PCOLCE: variants seen among roughly 807,000 people sequenced by gnomAD.
PCOLCE encodes procollagen C-endopeptidase enhancer 1.
Under a neutral mutation model 47.2 loss-of-function variants are expected in PCOLCE, and 33 were observed. The ratio of observed to expected loss-of-function variants is 0.70; its 90% CI spans 0.53 to 0.93. PCOLCE has a LOEUF of 0.93. Ranked by LOEUF, PCOLCE falls within the 40% of genes least tolerant of loss-of-function variation. The pLI is 0.00. For missense variants in PCOLCE, 584 were observed against 585.3 expected (o/e 1.00, Z 0.02); for synonymous variants, 254 against 252.5 (o/e 1.01, Z -0.06).
At position 100,607,648 on chromosome 7, in the gene PCOLCE, A is replaced by C. The variant is rs1385288833; in HGVS notation, c.1024A>C (p.Thr342Pro). 1 of 1,614,018 alleles carries C rather than the reference A, an allele frequency of 6.2e-7. No homozygotes were observed. The highest frequency in any genetic ancestry group is 8.5e-7 in the Non-Finnish European group (1 of 1,179,964). Reference sequence around the variant, plus strand: ...CCATTCTCCCACAGTGGTGACTGCGACAGTGAAGTCCATGGTTCGGGAGCC... The same window carrying C: ...CCATTCTCCCACAGTGGTGACTGCGCCAGTGAAGTCCATGGTTCGGGAGCC... The part of the protein sequence containing the change: ...FCASSLVVTA[T>P]VKSMVREPGE... The change falls in exon 8 of 9, where the codon ACA becomes CCA. Residue 342 changes from threonine to proline, a missense_variant. Coordinates refer to ENST00000223061, the MANE Select transcript of PCOLCE (RefSeq NM_002593.4).
Position 100,608,039 on chromosome 7 carries a change from T to C in PCOLCE, c.1286T>C (p.Leu429Pro), listed in dbSNP as rs1802747963. 1 of 1,614,100 alleles carries C rather than the reference T, an allele frequency of 6.2e-7. No homozygotes were observed. Among genetic ancestry groups the C allele is most frequent in the East Asian group, 2.2e-5 (1 of 44,878 alleles). Residue 429 changes from leucine (L) to proline (P), a missense_variant, in exon 9 of 9, where the codon CTC becomes CCC. By Grantham distance (98) the Leu-to-Pro change is moderately conservative. Coordinates refer to ENST00000223061, the MANE Select transcript of PCOLCE (RefSeq NM_002593.4). ...CACCGGCCCAACCAGGACCAGATCCTCACCAACCTAAGCAAGAGGAAGTGC... is the reference window on the plus strand; with the variant it reads ...CACCGGCCCAACCAGGACCAGATCCCCACCAACCTAAGCAAGAGGAAGTGC... ...VLHRPNQDQILTNLSKRKCPS... is the reference protein window; with the variant it reads ...VLHRPNQDQIPTNLSKRKCPS...
At position 100,605,667 on chromosome 7, in the gene PCOLCE, C is replaced by T. The variant is rs1422056932; in HGVS notation, c.589-9C>T. ...CCGCCGCGCAGTCCCCGCCTCCGCC[C>T]GCCGCCAGGTCATCGCGCTGACCTT... On this transcript the variant is annotated splice_polypyrimidine_tract_variant and intron_variant, in intron 4 of 8. Coordinates refer to ENST00000223061, the MANE Select transcript of PCOLCE (RefSeq NM_002593.4). This position sits in a 1 kb window ranked among gnomAD's most constrained non-coding sequence, Gnocchi z 6.1. 7.0e-6 allele frequency: 11 copies of T among 1,575,990 alleles called. No homozygotes were observed. The highest frequency in any genetic ancestry group is 1.4e-5 in the African/African-American group (1 of 74,024).
In PCOLCE at chr7:100,604,012, G is replaced by T. The variant is rs745890958; in HGVS notation, c.258G>T (p.Leu86=). Residue 86 remains leucine (L), a synonymous_variant, in exon 3 of 9, where the codon CTG becomes CTT. Transcript: ENST00000223061. The surrounding 1 kb of genome is among the most constrained non-coding windows in gnomAD (Gnocchi z 6.4). Reference sequence around the variant, plus strand: ...CATTCCGAGTCTTCGACCTGGAGCTGCACCCCGCCTGCCGCTACGATGCTC... The same window carrying T: ...CATTCCGAGTCTTCGACCTGGAGCTTCACCCCGCCTGCCGCTACGATGCTC... ...SLSFRVFDLE[L]HPACRYDALE... is the part of the protein sequence containing the mutation. The T allele has an allele frequency of 1.9e-6, 3 of 1,604,694 alleles. No homozygotes were observed. In the Admixed American group the frequency reaches 5.0e-5, roughly 27 times the overall value.
Position 100,606,681 on chromosome 7 carries a change from CA to C in PCOLCE, c.940+56del. ...GGAAACAGACTGAAGGGGGCCATTT[CA>C]AAAAGTTCTGACCTGGGCTGTGGCT... On this transcript the variant is annotated intron_variant, in intron 6 of 8. Transcript: ENST00000223061. The C allele has an allele frequency of 2.1e-6, 3 of 1,426,906 alleles. No individual in the cohort carries two copies. In the South Asian group the frequency reaches 4.0e-5, roughly 19 times the overall value. The allele number at this position is 1,426,906 out of a possible 1,614,324, so 88.4% of individuals were successfully genotyped here. A position where few individuals can be genotyped will look rare whatever the true frequency, so the allele number is the denominator to read the frequency against.
Position 100,605,170 on chromosome 7 carries a change from C to G in PCOLCE, c.543C>G (p.Pro181=), listed in dbSNP as rs146148281. Residue 181 remains proline (P), a synonymous_variant, in exon 4 of 9, where the codon CCC becomes CCG. Transcript: ENST00000223061. The surrounding 1 kb of genome is among the most constrained non-coding windows in gnomAD (Gnocchi z 6.1). ...TTPNWPESDY[P]PGISCSWHII... ...CCAACTGGCCCGAGTCCGATTACCC[C>G]CCGGGCATCAGCTGTTCCTGGCACA... 3.7e-6 allele frequency: 6 copies of G among 1,613,192 alleles called. No homozygotes were observed. The South Asian group carries it at 5.5e-5, about 15-fold the overall frequency.
chr7:100,603,848 C>T (rs1584440268), intron 2 of PCOLCE, 111 bp from the exon 3 acceptor site: 2 of 1,289,030 alleles, frequency 1.6e-6, no homozygotes, highest in Non-Finnish European at 2.2e-6. Context: ...ATGGAGGCCC[C>T]TTCCCATTCA....
intron 2 of PCOLCE, 174 bp from the exon 3 acceptor site, chr7:100,603,785 T>C: frequency 1.4e-6 from 1 of 703,366 alleles, no homozygotes. Context: ...TCTTGTCCCC[T>C]GCACAGGCTA....
In PCOLCE at chr7:100,605,355, C is replaced by T; in HGVS notation, c.588+140C>T. 1.2e-6 allele frequency: 1 copy of T among 818,940 alleles called. No individual in the cohort carries two copies. The allele number at this position is 818,940 out of a possible 1,614,324, so 50.7% of individuals were successfully genotyped here. A position where few individuals can be genotyped will look rare whatever the true frequency, so the allele number is the denominator to read the frequency against. ...TGGGCACCCAAAACAGCCCCAACCC[C>T]TGCATGCACGCAAACAAAAATGTAA... On this transcript the variant is annotated intron_variant, in intron 4 of 8. Coordinates refer to ENST00000223061, the MANE Select transcript of PCOLCE (RefSeq NM_002593.4). The surrounding 1 kb of genome is among the most constrained non-coding windows in gnomAD (Gnocchi z 6.1).
chr7:100,608,013 C>T lies in PCOLCE; in HGVS notation c.1260C>T (p.Leu420=). The change falls in exon 9 of 9, where the codon CTC becomes CTT. Residue 420 remains leucine, a synonymous_variant. Coordinates refer to ENST00000223061, the MANE Select transcript of PCOLCE (RefSeq NM_002593.4). ...TTCCTCCAGAGAGCTTTGTGGTTCTCCACCGGCCCAACCAGGACCAGATCC... is the reference window on the plus strand; with the variant it reads ...TTCCTCCAGAGAGCTTTGTGGTTCTTCACCGGCCCAACCAGGACCAGATCC... ...PVLPPESFVV[L]HRPNQDQILT... The T allele has an allele frequency of 6.2e-7, 1 of 1,614,130 alleles. No individual in the cohort carries two copies. Among genetic ancestry groups the T allele is most frequent in the Non-Finnish European group, 8.5e-7 (1 of 1,179,996 alleles).
chr7:100,606,446 C>T lies in PCOLCE; in HGVS notation c.756C>T (p.Leu252=), dbSNP rs752952831. ...TCTCCTCCGAAGGGAATGAACTCCT[C>T]GTCCAGTTCGTCTCAGATCTCAGTG... ...GSISSEGNEL[L]VQFVSDLSVT... is the part of the protein sequence containing the mutation. Residue 252 remains leucine (L), a synonymous_variant, in exon 6 of 9, where the codon CTC becomes CTT. Transcript: ENST00000223061. The T allele has an allele frequency of 8.1e-6, 13 of 1,613,978 alleles. No homozygotes were observed. Among genetic ancestry groups the T allele is most frequent in the Admixed American group, 3.3e-5 (2 of 60,014 alleles).
At chr7:100,606,861 C>T (rs1802726281) in intron 6 of PCOLCE, among the ~76,000 whole-genome samples, 1 of 152,142 alleles carries the variant, frequency 6.6e-6, no homozygotes, top group Non-Finnish European at 1.5e-5. Flanking sequence ...GAGGCCAAGG[C>T]AGGCAGATCA....
At position 100,604,568 on chromosome 7, in the gene PCOLCE, G is replaced by A. The variant is rs1464005862; in HGVS notation, c.463+351G>A. 3 of 414,270 alleles carry A rather than the reference G, an allele frequency of 7.2e-6. No homozygotes were observed. Among genetic ancestry groups the A allele is most frequent in the Non-Finnish European group, 9.0e-6 (2 of 221,434 alleles). The allele number at this position is 414,270 out of a possible 1,614,324, so 25.7% of individuals were successfully genotyped here. A position where few individuals can be genotyped will look rare whatever the true frequency, so the allele number is the denominator to read the frequency against. On this transcript the variant is annotated intron_variant, in intron 3 of 8. Transcript: ENST00000223061. This position sits in a 1 kb window ranked among gnomAD's most constrained non-coding sequence, Gnocchi z 6.4. ...CGTCGGGCGCGAGGGGGCACCCCAG[G>A]GCTGGGGGGACTAGGTTCCTCCAAC...
chr7:100,603,852 C>T, intron 2 of PCOLCE, 107 bp from the exon 3 acceptor site: 1 of 1,318,996 alleles, frequency 7.6e-7, no homozygotes, highest in South Asian at 1.3e-5. Flanking sequence ...AGGCCCCTTC[C>T]CATTCAGTCC....
At position 100,607,922 on chromosome 7, in the gene PCOLCE, C is replaced by T. The variant is rs747062823; in HGVS notation, c.1184-15C>T. 2.5e-6 allele frequency: 4 copies of T among 1,613,908 alleles called. No homozygotes were observed. In the African/African-American group the frequency reaches 4.0e-5, roughly 16 times the overall value. On this transcript the variant is annotated splice_polypyrimidine_tract_variant and intron_variant, in intron 8 of 8. Coordinates refer to ENST00000223061, the MANE Select transcript of PCOLCE (RefSeq NM_002593.4). ...TCAAGAATAAGAGATCTCAACCCCTCCCTCCTTCTTCCAGGAGTCAGTTAT... is the reference window on the plus strand; with the variant it reads ...TCAAGAATAAGAGATCTCAACCCCTTCCTCCTTCTTCCAGGAGTCAGTTAT...
chr7:100,605,850 G>C lies in PCOLCE; in HGVS notation c.725+38G>C. The C allele has an allele frequency of 6.5e-7, 1 of 1,540,990 alleles. No homozygotes were observed. Among genetic ancestry groups the C allele is most frequent in the Non-Finnish European group, 8.8e-7 (1 of 1,140,016 alleles). On this transcript the variant is annotated intron_variant, in intron 5 of 8. Transcript: ENST00000223061. This position sits in a 1 kb window ranked among gnomAD's most constrained non-coding sequence, Gnocchi z 6.1. ...ACCTGGGCGAGTCCGGGAGAGAGTCGGCGGACCGCACGCACGCGGCTGTTT... is the reference window on the plus strand; with the variant it reads ...ACCTGGGCGAGTCCGGGAGAGAGTCCGCGGACCGCACGCACGCGGCTGTTT...
chr7:100,603,190 CTT>C (rs1802644042), intron 1 of PCOLCE: 3 of 418,108 alleles, frequency 7.2e-6, no homozygotes, highest in Admixed American at 4.5e-5. Flanking sequence ...GGTGGGGACT[CTT>C]GGGGTTGGAG....
Position 100,604,051 on chromosome 7 carries a change from T to A in PCOLCE, c.297T>A (p.Ala99=). 2 of 1,608,340 alleles carry A rather than the reference T, an allele frequency of 1.2e-6. No homozygotes were observed. Among genetic ancestry groups the A allele is most frequent in the South Asian group, 2.2e-5 (2 of 91,090 alleles). Residue 99 remains alanine (A), a synonymous_variant, in exon 3 of 9, where the codon GCT becomes GCA. Coordinates refer to ENST00000223061, the MANE Select transcript of PCOLCE (RefSeq NM_002593.4). This position sits in a 1 kb window ranked among gnomAD's most constrained non-coding sequence, Gnocchi z 6.4. The part of the protein sequence containing the change: ...ACRYDALEVF[A]GSGTSGQRLG... ...GCTACGATGCTCTGGAGGTCTTCGCTGGGTCTGGGACTTCCGGCCAGCGGC... is the reference window on the plus strand; with the variant it reads ...GCTACGATGCTCTGGAGGTCTTCGCAGGGTCTGGGACTTCCGGCCAGCGGC...
rs768321840 is a variant in PCOLCE, at chr7:100,603,934, TC to T, written c.205-21del. 6 of 1,595,520 alleles carry T rather than the reference TC, an allele frequency of 3.8e-6. No individual in the cohort carries two copies. The African/African-American group carries it at 8.0e-5, about 21-fold the overall frequency. The stretch of plus-strand genomic sequence containing the variant: ...GTTGTGTGGGGCCTGACTCTGTGGG[TC>T]CCCGCCTCTGTCCCCGCTATCAGGT... On this transcript the variant is annotated intron_variant, in intron 2 of 8. Coordinates refer to ENST00000223061, the MANE Select transcript of PCOLCE (RefSeq NM_002593.4).
chr7:100,602,386 C>CGCT lies in PCOLCE; in HGVS notation c.-61_-59dup, dbSNP rs1435217108. On this transcript the variant is annotated 5_prime_UTR_variant, in exon 1 of 9. Coordinates refer to ENST00000223061, the MANE Select transcript of PCOLCE (RefSeq NM_002593.4). ...CTGATTATCCTGCTGCTGCCGCCAC[C>CGCT]GCTGCTGCTGCTCTGCAAAATTCAG... is the stretch of plus-strand genomic sequence containing the variant. 2.2e-5 allele frequency: 22 copies of CGCT among 1,014,520 alleles called. No homozygotes were observed. Among genetic ancestry groups the CGCT allele is most frequent in the Non-Finnish European group, 3.1e-5 (20 of 641,914 alleles). The allele number at this position is 1,014,520 out of a possible 1,614,324, so 62.8% of individuals were successfully genotyped here.
Sources: gnomAD v4.1 joint callset for allele counts (sites outside exome capture counted in the v4.1 genomes callset) on GRCh38, gnomAD v4.1.1 for gene constraint, Gnocchi (gnomAD v3.1) non-coding constraint, MANE v1.5 for transcripts, NCBI Gene and HGNC (gene_info 2026-07-23, HGNC 2026-07-21) for gene names.